The following CFD variants were observed in gnomAD, a reference collection of about 807,000 sequenced individuals.
CFD encodes complement factor D, also known as C3 convertase activator.
A neutral mutation model predicts 21.1 loss-of-function variants in CFD; 24 were observed. The observed-to-expected ratio is 1.14, with a 90% CI of 0.82 to 1.60. The LOEUF (loss-of-function observed/expected upper bound fraction) is 1.60. Among genes scored for constraint, CFD ranks in the 40% most tolerant of loss-of-function variants. The pLI is 0.00. For synonymous variants in CFD, 242 were observed against 175.9 expected (o/e 1.38, Z -2.97); for missense variants, 535 against 383.3 (o/e 1.40, Z -3.31).
intron 4 of CFD, 75 bp downstream of exon 4, chr19:862,031 G>T: frequency 1.3e-6 from 2 of 1,493,006 alleles, no homozygotes; most frequent in Non-Finnish European, 8.8e-7. Flanking sequence ...GCGCGAAGCG[G>T]GGGGCAAGTA....
intron 1 of CFD, 103 bp downstream of exon 1, chr19:859,847 G>C: frequency 1.2e-6 from 1 of 837,996 alleles, no homozygotes; most frequent in Non-Finnish European, 2.0e-6. Context: ...TGGGCAGGAA[G>C]GGGGTGTCTC....
At chr19:862,478 G>A (rs1394089115) in intron 4 of CFD, among the ~76,000 whole-genome samples, 1 of 143,354 alleles carries the variant, frequency 7.0e-6, no homozygotes, top group Non-Finnish European at 1.5e-5. Context: ...GGGAGGTATA[G>A]GGGGCGGGCA....
chr19:862,004 A>G, intron 4 of CFD, 48 bp downstream of exon 4: 1 of 1,509,764 alleles, frequency 6.6e-7, no homozygotes. Flanking sequence ...AGGCCCCGGG[A>G]AGGGCCTGCA....
intron 4 of CFD, 73 bp from the exon 5 acceptor site, chr19:863,019 A>C (rs1207814596): frequency 7.2e-7 from 1 of 1,393,322 alleles, no homozygotes; most frequent in Non-Finnish European, 9.5e-7. Context: ...AGCGGCAGCC[A>C]GGTGAGGGGG....
At position 860,674 on chromosome 19, in the gene CFD, C is replaced by G. The variant is rs1307088139; in HGVS notation, c.113C>G (p.Pro38Arg). ...AGAGAGGCCGAGGCGCACGCGCGGC[C>G]CTACATGGCGTCGGTGCAGCTGAAC... ...GGREAEAHAR[P>R]YMASVQLNGA... The change falls in exon 2 of 5, where the codon CCC becomes CGC. Residue 38 changes from proline to arginine, a missense_variant. Coordinates refer to ENST00000327726, the MANE Select transcript of CFD (RefSeq NM_001928.4). The G allele has an allele frequency of 6.5e-7, 1 of 1,533,020 alleles. No homozygotes were observed. The allele number at this position is 1,533,020 out of a possible 1,614,324, so 95.0% of individuals were successfully genotyped here.
At chr19:860,533 G>T (rs554654291) in intron 1 of CFD, 84 bp from the exon 2 acceptor site, 15 of 1,310,954 alleles carry the variant, frequency 1.1e-5, no homozygotes, top group Admixed American at 7.8e-5. Context: ...AGCGGCCTGG[G>T]GGGTGAGAGC....
rs546965920 is a variant in CFD, at chr19:860,747, G to C, written c.186G>C (p.Leu62=). ...TCCTGGTGGCGGAGCAGTGGGTGCT[G>C]AGCGCGGCGCACTGCCTGGAGGACG... ...GGVLVAEQWV[L]SAAHCLEDAA... Residue 62 remains leucine, a synonymous_variant, in exon 2 of 5, where the codon CTG becomes CTC. Transcript: ENST00000327726. 4.5e-6 allele frequency: 7 copies of C among 1,567,794 alleles called. No individual in the cohort carries two copies. The African/African-American group carries it at 5.4e-5, about 12-fold the overall frequency.
At chr19:861,155 G>C (rs2035786485) in intron 3 of CFD, 150 bp downstream of exon 3, 2 of 637,786 alleles carry the variant, frequency 3.1e-6, no homozygotes, top group Non-Finnish European at 5.6e-6. Context: ...CTCACCCCGG[G>C]TCTAGCCTCG....
Position 861,025 on chromosome 19 carries a change from G to C in CFD, c.357+20G>C, listed in dbSNP as rs1414658254. 6.3e-7 allele frequency: 1 copy of C among 1,595,348 alleles called. No homozygotes were observed. The highest frequency in any genetic ancestry group is 1.3e-5 in the African/African-American group (1 of 74,664). On this transcript the variant is annotated intron_variant, in intron 3 of 4. Transcript: ENST00000327726. ...CTACAGGTCGGCCCCGTGTAGCGCAGTCCCTCCTGCGGCGCTGGGATCCCC... is the reference window on the plus strand; with the variant it reads ...CTACAGGTCGGCCCCGTGTAGCGCACTCCCTCCTGCGGCGCTGGGATCCCC...
chr19:861,583 G>A (rs2035794384), intron 3 of CFD, 116 bp from the exon 4 acceptor site: 1 of 1,274,062 alleles, frequency 7.8e-7, no homozygotes, highest in Non-Finnish European at 1.1e-6. Flanking sequence ...GCTGCACTGA[G>A]ACCCACGCCC....
chr19:861,980 G>GT, intron 4 of CFD, 24 bp downstream of exon 4: 3 of 1,533,784 alleles, frequency 2.0e-6, no homozygotes, highest in Non-Finnish European at 2.6e-6. Context: ...CCTGGGAGGA[G>GT]ACGCGGGGCC....
chr19:859,772 G>T, intron 1 of CFD, 28 bp downstream of exon 1: 1 of 1,539,560 alleles, frequency 6.5e-7, no homozygotes. Context: ...TGGGGTGAGG[G>T]ACAGGGCTGT....
intron 2 of CFD, 27 bp downstream of exon 2, chr19:860,800 G>T: frequency 6.4e-7 from 1 of 1,558,062 alleles, no homozygotes; most frequent in South Asian, 1.2e-5. Flanking sequence ...CGCGGGGGAA[G>T]AGCCCGGGTG....
intron 4 of CFD, 92 bp from the exon 5 acceptor site, chr19:863,000 T>C (rs2035828809): frequency 3.2e-6 from 4 of 1,247,094 alleles, no homozygotes; most frequent in Non-Finnish European, 4.3e-6. Flanking sequence ...GCGAGCATTG[T>C]GGGGCGGGAG....
chr19:863,505 G>A lies in CFD; in HGVS notation c.*267G>A. Reference sequence around the variant, plus strand: ...TAGTTCCAGCTACTCAGGAGGCTGAGGTGGGAGGATGACTTGAACGCAGGA... The same window carrying A: ...TAGTTCCAGCTACTCAGGAGGCTGAAGTGGGAGGATGACTTGAACGCAGGA... On this transcript the variant is annotated 3_prime_UTR_variant, in exon 5 of 5. Transcript: ENST00000327726. The A allele has an allele frequency of 1.9e-6, 1 of 528,224 alleles. No individual in the cohort carries two copies. 32.7% of individuals were successfully genotyped at this position (528,224 alleles called of 1,614,324 possible).
At position 861,057 on chromosome 19, in the gene CFD, C is replaced by A. The variant is rs1043691254; in HGVS notation, c.357+52C>A. On this transcript the variant is annotated intron_variant, in intron 3 of 4. Coordinates refer to ENST00000327726, the MANE Select transcript of CFD (RefSeq NM_001928.4). ...CTGCGGCGCTGGGATCCCCGGCCCA[C>A]CCTCACTCCACCCCGCCTACACCGC... The A allele has an allele frequency of 9.6e-6, 15 of 1,567,814 alleles. No homozygotes were observed. The African/African-American group carries it at 1.4e-4, about 14-fold the overall frequency.
Position 860,846 on chromosome 19 carries a change from C to G in CFD, c.213-15C>G. On this transcript the variant is annotated splice_polypyrimidine_tract_variant and intron_variant, in intron 2 of 4. Transcript: ENST00000327726. ...AGTCGGCTGGCACCGACCGCGGACT[C>G]CGTCCGGTCCCCAGGGCCGACGGGA... 2 of 1,561,940 alleles carry G rather than the reference C, an allele frequency of 1.3e-6. No homozygotes were observed. The highest frequency in any genetic ancestry group is 1.7e-6 in the Non-Finnish European group (2 of 1,160,388).
chr19:859,828 C>T (rs765888366), intron 1 of CFD, 84 bp downstream of exon 1: 22 of 1,080,754 alleles, frequency 2.0e-5, no homozygotes, highest in Non-Finnish European at 2.9e-5. Flanking sequence ...GTCCTCCAGC[C>T]CCTCCAGGTG....
rs776550112 is a variant in CFD at position 860,805 on chromosome 19, C to T, written c.212+32C>T. 7.7e-6 allele frequency: 12 copies of T among 1,556,938 alleles called. No homozygotes were observed. The East Asian group carries it at 1.7e-4, about 22-fold the overall frequency. ...GCCCGCGCCGCGCGGGGGAAGAGCC[C>T]GGGTGCGGTGGGGGGAGTCGGCTGG... On this transcript the variant is annotated intron_variant, in intron 2 of 4. Transcript: ENST00000327726.
Sources: allele counts gnomAD v4.1 joint callset (sites outside exome capture counted in the v4.1 genomes callset), GRCh38; gene constraint gnomAD v4.1.1; transcripts MANE v1.5; gene names NCBI Gene and HGNC (gene_info 2026-07-23, HGNC 2026-07-21).